Variants in MDGA2 observed in about 807,000 individuals in gnomAD.
MDGA2 encodes MAM domain containing glycosylphosphatidylinositol anchor 2.
In MDGA2, 40 loss-of-function variants were observed where a neutral mutation model predicts 117.8. The observed-to-expected ratio is 0.34, with a 90% CI of 0.26 to 0.44. The LOEUF (loss-of-function observed/expected upper bound fraction) is 0.44, where lower values mean the gene tolerates loss of function less well. MDGA2 is among the 20% of genes least tolerant of loss of function. MDGA2 has a pLI of 1.00. For missense variants in MDGA2, 1,123 were observed against 1,250.6 expected (o/e 0.90, Z 1.54); for synonymous variants, 452 against 439.0 (o/e 1.03, Z -0.37).
intron 1 of MDGA2, among the ~76,000 whole-genome samples, chr14:47,573,607 C>T (rs1279278730): frequency 6.6e-6 from 1 of 152,134 alleles, no homozygotes; most frequent in Non-Finnish European, 1.5e-5. Flanking sequence ...CTCGGGTATT[C>T]TGTGGTTTAA....
intron 1 of MDGA2, among the ~76,000 whole-genome samples, chr14:47,351,940 A>AC (rs1890893906): frequency 2.6e-5 from 3 of 117,554 alleles, no homozygotes; most frequent in Admixed American, 9.3e-5. Flanking sequence ...CACACACACA[A>AC]ACATATATAT....
intron 1 of MDGA2, among the ~76,000 whole-genome samples, chr14:47,394,943 A>C (rs1015677078): frequency 6.6e-6 from 1 of 152,146 alleles, no homozygotes; most frequent in Admixed American, 6.6e-5. Flanking sequence ...ACTTGAGGGC[A>C]GGAGTTCAAG....
Position 47,651,681 on chromosome 14 carries a change from A to G in MDGA2, c.280+22836T>C, listed in dbSNP as rs189967812. On this transcript the variant is annotated intron_variant, in intron 1 of 16. Coordinates refer to ENST00000399232, the MANE Select transcript of MDGA2 (RefSeq NM_001113498.3). The stretch of plus-strand genomic sequence containing the variant: ...CAGGGCAAATGGGAGAATAATGAAG[A>G]GAATACTACATTCGATGAGACAAAA... Among the ~76,000 whole-genome samples, 539 of 152,244 alleles carry G rather than the reference A, an allele frequency of 3.5e-3. 3 individuals carry two copies. The highest frequency in any genetic ancestry group is 0.012 in the African/African-American group (517 of 41,550).
At position 47,667,062 on chromosome 14, in the gene MDGA2, C is replaced by T. The variant is rs548217503; in HGVS notation, c.280+7455G>A. On this transcript the variant is annotated intron_variant, in intron 1 of 16. Transcript: ENST00000399232. ...GAACTGTAACATCACCGCAAGGGTC[C>T]GCGGCTTCATTCTTGAAGTCAGTGA... 5.3e-5 allele frequency among the ~76,000 whole-genome samples: 8 copies of T among 152,250 alleles called. 1 individual carries two copies. In the South Asian group the frequency reaches 6.2e-4, roughly 12 times the overall value.
At chr14:47,227,004 C>G (rs1053761531) in intron 2 of MDGA2, among the ~76,000 whole-genome samples, 1 of 152,136 alleles carries the variant, frequency 6.6e-6, no homozygotes, top group Non-Finnish European at 1.5e-5. Context: ...CTTTCCCTCT[C>G]TCATAAAGCT....
At chr14:47,138,098 A>G (rs1190836765) in intron 4 of MDGA2, among the ~76,000 whole-genome samples, 1 of 152,178 alleles carries the variant, frequency 6.6e-6, no homozygotes, top group African/African-American at 2.4e-5. Flanking sequence ...AGAATGTATA[A>G]GAAAGCAGAG....
At chr14:47,366,912 G>A (rs909705493) in intron 1 of MDGA2, among the ~76,000 whole-genome samples, 1 of 97,838 alleles carries the variant, frequency 1.0e-5, no homozygotes, top group African/African-American at 4.2e-5. Context: ...TTTGACTTTG[G>A]CCTACTAGTT....
At chr14:47,572,487 G>A (rs571426264) in intron 1 of MDGA2, among the ~76,000 whole-genome samples, 30 of 152,236 alleles carry the variant, frequency 2.0e-4, no homozygotes, top group South Asian at 1.2e-3. Flanking sequence ...ATTCTGACCC[G>A]ATTCAAACAT....
At chr14:46,907,816 G>C (rs1883555257) in intron 10 of MDGA2, among the ~76,000 whole-genome samples, 5 of 152,088 alleles carry the variant, frequency 3.3e-5, no homozygotes, top group Admixed American at 2.6e-4. Context: ...AACAGTAACT[G>C]TTTATTTGTA....
At chr14:47,504,637 T>C (rs1005057248) in intron 1 of MDGA2, among the ~76,000 whole-genome samples, 2 of 151,824 alleles carry the variant, frequency 1.3e-5, no homozygotes, top group Non-Finnish European at 2.9e-5. Context: ...AACACCACAA[T>C]GAGATACAGC....
chr14:47,117,098 T>C (rs2139083378), intron 5 of MDGA2, among the ~76,000 whole-genome samples: 1 of 152,142 alleles, frequency 6.6e-6, no homozygotes, highest in Non-Finnish European at 1.5e-5. Flanking sequence ...AAAAATGGGA[T>C]AAAGATTTGA....
chr14:47,281,329 T>C (rs956356396), intron 2 of MDGA2, among the ~76,000 whole-genome samples: 3 of 152,122 alleles, frequency 2.0e-5, no homozygotes, highest in African/African-American at 7.2e-5. Context: ...TGATTTGCCT[T>C]ATAGATTTTC....
At chr14:47,501,353 A>G (rs945993410) in intron 1 of MDGA2, among the ~76,000 whole-genome samples, 2 of 152,230 alleles carry the variant, frequency 1.3e-5, no homozygotes, top group East Asian at 1.9e-4. Context: ...TATAATGAGC[A>G]GATATTCTTT....
At chr14:47,275,075 A>C (rs1888267526) in intron 2 of MDGA2, among the ~76,000 whole-genome samples, 1 of 152,144 alleles carries the variant, frequency 6.6e-6, no homozygotes, top group Non-Finnish European at 1.5e-5. Flanking sequence ...GATTTAGTAC[A>C]ATTTATCTAC....
chr14:46,992,725 T>C (rs1007537603), intron 8 of MDGA2, among the ~76,000 whole-genome samples: 2 of 152,106 alleles, frequency 1.3e-5, no homozygotes, highest in Admixed American at 1.3e-4. Context: ...TGCCAAAAGC[T>C]CCTATAAAAT....
At chr14:47,540,210 T>C (rs980854624) in intron 1 of MDGA2, among the ~76,000 whole-genome samples, 5 of 152,004 alleles carry the variant, frequency 3.3e-5, no homozygotes, top group Non-Finnish European at 7.4e-5. Context: ...AGACGGGGTT[T>C]CACCGTGTTA....
intron 1 of MDGA2, among the ~76,000 whole-genome samples, chr14:47,638,770 C>A (rs1897368372): frequency 6.6e-6 from 1 of 152,144 alleles, no homozygotes; most frequent in African/African-American, 2.4e-5. Context: ...ATAGTCAAGT[C>A]TTTACCCATG....
At chr14:47,449,800 C>T (rs1893202536) in intron 1 of MDGA2, among the ~76,000 whole-genome samples, 1 of 152,076 alleles carries the variant, frequency 6.6e-6, no homozygotes, top group Non-Finnish European at 1.5e-5. Flanking sequence ...GAATCTTGGT[C>T]AGAATGTGCT....
At chr14:46,890,728 G>C (rs1287309067) in intron 10 of MDGA2, among the ~76,000 whole-genome samples, 1 of 152,064 alleles carries the variant, frequency 6.6e-6, no homozygotes, top group Non-Finnish European at 1.5e-5. Context: ...GGCCTTGCAA[G>C]TATACTTCAA....
Sources: allele counts gnomAD v4.1 joint callset (sites outside exome capture counted in the v4.1 genomes callset), GRCh38; gene constraint gnomAD v4.1.1; transcripts MANE v1.5; gene names NCBI Gene and HGNC (gene_info 2026-07-23, HGNC 2026-07-21).